The following CACNA2D1 variants were observed in gnomAD, a reference collection of about 807,000 sequenced individuals.
CACNA2D1 encodes the protein calcium voltage-gated channel auxiliary subunit alpha2delta 1.
In CACNA2D1, 53 loss-of-function variants were observed where a neutral mutation model predicts 171.5. The observed-to-expected ratio is 0.31, with a 90% confidence interval of 0.25 to 0.39. The LOEUF (loss-of-function observed/expected upper bound fraction) is 0.39, where lower values mean the gene tolerates loss of function less well. CACNA2D1 is among the 10% of genes least tolerant of loss of function. CACNA2D1 has a pLI of 1.00. For missense variants in CACNA2D1, 903 were observed against 1,299.8 expected (o/e 0.69, Z 4.69); for synonymous variants, 442 against 443.1 (o/e 1.00, Z 0.03).
intron 5 of CACNA2D1, among the ~76,000 whole-genome samples, chr7:82,130,791 C>CTTTTTTTTT (rs71093363): frequency 1.9e-5 from 2 of 105,846 alleles, no homozygotes; most frequent in Non-Finnish European, 3.6e-5. Context: ...TTGTTTTTGT[C>CTTTTTTTTT]TTTTTTTTTT....
At chr7:81,980,848 C>T (rs1267265945) in intron 24 of CACNA2D1, among the ~76,000 whole-genome samples, 2 of 152,092 alleles carry the variant, frequency 1.3e-5, no homozygotes, top group Non-Finnish European at 2.9e-5. Context: ...GGACAACTAA[C>T]AGGTTTCAAG....
intron 3 of CACNA2D1, among the ~76,000 whole-genome samples, chr7:82,256,295 A>G (rs951211582): frequency 6.6e-6 from 1 of 152,146 alleles, no homozygotes; most frequent in Non-Finnish European, 1.5e-5. Context: ...CTCCATCTCA[A>G]AAAAATCAAA....
intron 7 of CACNA2D1, among the ~76,000 whole-genome samples, chr7:82,082,607 C>T (rs1182291454): frequency 6.6e-6 from 1 of 151,572 alleles, no homozygotes; most frequent in Non-Finnish European, 1.5e-5. Context: ...GCACATCAAA[C>T]AAGAAGGGAG....
At chr7:82,042,756 C>T (rs889900958) in intron 10 of CACNA2D1, among the ~76,000 whole-genome samples, 2 of 152,134 alleles carry the variant, frequency 1.3e-5, no homozygotes, top group Non-Finnish European at 2.9e-5. Flanking sequence ...ATGTACTGTT[C>T]CTCTGCCTAC....
intron 38 of CACNA2D1, among the ~76,000 whole-genome samples, chr7:81,954,767 T>C (rs1584145046): frequency 6.6e-6 from 1 of 152,126 alleles, no homozygotes; most frequent in African/African-American, 2.4e-5. Flanking sequence ...AATCATGGAC[T>C]AACTTTTGAA....
At chr7:82,016,497 A>G (rs961126336) in intron 12 of CACNA2D1, among the ~76,000 whole-genome samples, 1 of 151,954 alleles carries the variant, frequency 6.6e-6, no homozygotes, top group Non-Finnish European at 1.5e-5. Flanking sequence ...TCTTATATCT[A>G]TGTCTCAGAA....
chr7:82,202,003 G>T (rs551100873), intron 3 of CACNA2D1, among the ~76,000 whole-genome samples: 7 of 152,152 alleles, frequency 4.6e-5, no homozygotes, highest in African/African-American at 7.2e-5. Flanking sequence ...AAACGGATGG[G>T]CCACGGTCAA....
Position 82,139,781 on chromosome 7 carries a change from C to CT in CACNA2D1, c.355-3106dup, listed in dbSNP as rs142894019. ...CTTGTTACTAAGTATTTGACATTTC[C>CT]TTTTTTTTTTTTTTCTTTATTGAGA... On this transcript the variant is annotated intron_variant, in intron 4 of 38. Coordinates refer to ENST00000356860, the MANE Select transcript of CACNA2D1 (RefSeq NM_000722.4). 6.2e-3 allele frequency among the ~76,000 whole-genome samples: 884 copies of CT among 142,870 alleles called. 4 individuals are homozygous for CT. The highest frequency in any genetic ancestry group is 0.01 in the Admixed American group (143 of 14,240). The allele number at this position is 142,870 out of a possible 152,430, so 93.7% of individuals were successfully genotyped here. A position where few individuals can be genotyped will look rare whatever the true frequency, so the allele number is the denominator to read the frequency against.
chr7:81,951,969 G>GT (rs774805421), intron 38 of CACNA2D1, among the ~76,000 whole-genome samples: 43,332 of 72,468 alleles, frequency 0.6, 12,693 homozygotes, highest in Middle Eastern at 0.7. Context: ...TGTACAAAGT[G>GT]TTTTTTTTTT....
At chr7:82,421,123 T>C (rs1206245775) in intron 1 of CACNA2D1, among the ~76,000 whole-genome samples, 1 of 152,208 alleles carries the variant, frequency 6.6e-6, no homozygotes, top group African/African-American at 2.4e-5. Context: ...CACTGATCTC[T>C]ATTTAAAATG....
At chr7:82,084,019 G>A (rs1473445133) in intron 7 of CACNA2D1, among the ~76,000 whole-genome samples, 5 of 152,134 alleles carry the variant, frequency 3.3e-5, no homozygotes, top group East Asian at 1.9e-4. Context: ...GAAAGAAAAC[G>A]CATTTTATGT....
chr7:82,340,551 T>C (rs17156157), intron 2 of CACNA2D1, among the ~76,000 whole-genome samples: 19,741 of 151,960 alleles, frequency 0.13, 1,898 homozygotes, highest in African/African-American at 0.27. Flanking sequence ...TCTAACAGAA[T>C]CCCATGTCTG....
At position 82,439,701 on chromosome 7, in the gene CACNA2D1, T is replaced by C. The variant is rs569422898; in HGVS notation, c.95+3664A>G. On this transcript the variant is annotated intron_variant, in intron 1 of 38. Coordinates refer to ENST00000356860, the MANE Select transcript of CACNA2D1 (RefSeq NM_000722.4). Reference sequence around the variant, plus strand: ...ATGTGTAACATTAATAAATTTAACATAATATTACTACTTACGTGGAAAAAT... The same window carrying C: ...ATGTGTAACATTAATAAATTTAACACAATATTACTACTTACGTGGAAAAAT... Among the ~76,000 whole-genome samples the C allele has an allele frequency of 3.3e-5, 5 of 151,352 alleles. No individual in the cohort carries two copies. In the East Asian group the frequency reaches 9.7e-4, roughly 29 times the overall value.
At chr7:82,173,080 G>T (rs1275569318) in intron 3 of CACNA2D1, among the ~76,000 whole-genome samples, 1 of 152,002 alleles carries the variant, frequency 6.6e-6, no homozygotes, top group Non-Finnish European at 1.5e-5. Flanking sequence ...CTCCTTGGGA[G>T]TGCATGAGAA....
intron 3 of CACNA2D1, among the ~76,000 whole-genome samples, chr7:82,288,635 A>C (rs2129391257): frequency 6.6e-6 from 1 of 152,318 alleles, no homozygotes; most frequent in Non-Finnish European, 1.5e-5. Flanking sequence ...CTAATTGAGC[A>C]GGTTTTCTTC....
At chr7:82,244,554 A>T (rs1017363542) in intron 3 of CACNA2D1, among the ~76,000 whole-genome samples, 2 of 152,150 alleles carry the variant, frequency 1.3e-5, no homozygotes, top group African/African-American at 2.4e-5. Flanking sequence ...GCTGGAAAAC[A>T]AGTGGAAGTG....
At chr7:82,399,136 G>A (rs1826064575) in intron 1 of CACNA2D1, among the ~76,000 whole-genome samples, 2 of 151,954 alleles carry the variant, frequency 1.3e-5, no homozygotes, top group African/African-American at 2.4e-5. Context: ...GCACTAAAAG[G>A]AACTCTTGTT....
At chr7:82,365,094 G>C (rs1390648165) in intron 1 of CACNA2D1, among the ~76,000 whole-genome samples, 2 of 152,118 alleles carry the variant, frequency 1.3e-5, no homozygotes, top group African/African-American at 4.8e-5. Flanking sequence ...ATTGAGAGAA[G>C]GCATGAGGGA....
At chr7:82,079,004 T>C (rs1809350013) in intron 7 of CACNA2D1, among the ~76,000 whole-genome samples, 1 of 152,190 alleles carries the variant, frequency 6.6e-6, no homozygotes, top group South Asian at 2.1e-4. Flanking sequence ...TAAAGCAGGT[T>C]CATGTTCAGT....
Sources: allele counts gnomAD v4.1 joint callset (sites outside exome capture counted in the v4.1 genomes callset), GRCh38; gene constraint gnomAD v4.1.1; transcripts MANE v1.5; gene names NCBI Gene and HGNC (gene_info 2026-07-23, HGNC 2026-07-21).